The following ADGRE2 variants were observed in gnomAD, a reference collection of about 807,000 sequenced individuals.
ADGRE2 encodes CD97 antigen.
ADGRE2 carries 83 observed loss-of-function variants against 100.8 expected under a neutral mutation model. The observed-to-expected ratio is 0.82, with a 90% confidence interval of 0.69 to 0.99. The LOEUF is 0.99. Among genes scored for constraint, ADGRE2 ranks in the 50% least tolerant of loss-of-function variants. The pLI is 0.00. For synonymous variants in ADGRE2, 355 were observed against 413.0 expected, an observed-to-expected ratio of 0.86 and a Z score of 1.70; for missense variants, 814 against 1,035.7, an observed-to-expected ratio of 0.79 and a Z score of 2.94.
chr19:14,745,154 C>T lies in ADGRE2; in HGVS notation c.2183+1078G>A, dbSNP rs116784352. ...AACTCCTGACCTTGTGATCTGCCCC[C>T]GCCCCTCAGCTTCCCAAAGTGCTGG... On this transcript the variant is annotated intron_variant, in intron 18 of 20. Transcript: ENST00000315576. Among the ~76,000 whole-genome samples the T allele has an allele frequency of 5.1e-3, 778 of 152,136 alleles. 6 individuals carry two copies. The highest frequency in any genetic ancestry group is 0.016 in the African/African-American group (669 of 41,486).
chr19:14,751,549 T>G lies in ADGRE2; in HGVS notation c.1911A>C (p.Ser637=), dbSNP rs1490666543. The G allele has an allele frequency of 6.2e-7, 1 of 1,614,032 alleles. No homozygotes were observed. Among genetic ancestry groups the G allele is most frequent in the Non-Finnish European group, 8.5e-7 (1 of 1,180,002 alleles). The stretch of plus-strand genomic sequence containing the variant: ...GCTTCTTCATGAATCTGTTGATGCT[T>G]GAGTAGTTGACCACCGTCAGGTTCC... ...TARNLTVVNY[S]SINRFMKKLM... The change falls in exon 16 of 21, where the codon TCA becomes TCC. Residue 637 remains serine, a synonymous_variant. Coordinates refer to ENST00000315576, the MANE Select transcript of ADGRE2 (RefSeq NM_013447.4).
Position 14,734,620 on chromosome 19 carries a change from T to G in ADGRE2, c.*1616A>C, listed in dbSNP as rs1300258720. 3 of 152,234 alleles carry G rather than the reference T, an allele frequency of 2.0e-5. No homozygotes were observed. Among genetic ancestry groups the G allele is most frequent in the Non-Finnish European group, 4.4e-5 (3 of 68,050 alleles). The allele number at this position is 152,234 out of a possible 1,614,324, so 9.4% of individuals were successfully genotyped here. ...TTTTGTATTTTTACTAGAGACAAGA[T>G]TTCACCATGTTGACCAGGCTGGTCT... On this transcript the variant is annotated 3_prime_UTR_variant, in exon 21 of 21. Coordinates refer to ENST00000315576, the MANE Select transcript of ADGRE2 (RefSeq NM_013447.4).
chr19:14,747,357 G>A (rs934189073), intron 16 of ADGRE2, among the ~76,000 whole-genome samples: 1 of 152,014 alleles, frequency 6.6e-6, no homozygotes, highest in Non-Finnish European at 1.5e-5. Context: ...AAAAATAGCC[G>A]GGTGTGGTGG....
intron 6 of ADGRE2, among the ~76,000 whole-genome samples, chr19:14,766,670 C>T (rs1216737245): frequency 2.0e-5 from 3 of 152,218 alleles, no homozygotes; most frequent in Non-Finnish European, 4.4e-5. Context: ...TGCTCCCTCC[C>T]TCACTATGGT....
chr19:14,772,585 C>T (rs2044252025), intron 4 of ADGRE2, 88 bp from the exon 5 acceptor site: 3 of 1,476,442 alleles, frequency 2.0e-6, no homozygotes, highest in Non-Finnish European at 2.8e-6. Context: ...CAACATGGGG[C>T]CTGCTGCTTA....
intron 13 of ADGRE2, 133 bp downstream of exon 13, chr19:14,755,521 T>C: frequency 1.3e-6 from 1 of 798,026 alleles, no homozygotes; most frequent in Non-Finnish European, 2.1e-6. Context: ...AAAGCCGGCT[T>C]GGGAAGGACT....
In ADGRE2 at chr19:14,748,849, C is replaced by A. The variant is rs76696419; in HGVS notation, c.2025-1887G>T. Among the ~76,000 whole-genome samples, 1,129 of 152,096 alleles carry A rather than the reference C, an allele frequency of 7.4e-3. 12 individuals are homozygous for A. The highest frequency in any genetic ancestry group is 0.025 in the African/African-American group (1,042 of 41,488). ...CATCACAAGAAAAGAAAACTGCAGACCAAAATCCCTTATGAAAATGAATGC... is the reference window on the plus strand; with the variant it reads ...CATCACAAGAAAAGAAAACTGCAGAACAAAATCCCTTATGAAAATGAATGC... On this transcript the variant is annotated intron_variant, in intron 16 of 20. Coordinates refer to ENST00000315576, the MANE Select transcript of ADGRE2 (RefSeq NM_013447.4).
downstream of ADGRE2, among the ~76,000 whole-genome samples, chr19:14,730,993 A>G (rs1222435886): frequency 6.6e-6 from 1 of 151,892 alleles, no homozygotes; most frequent in African/African-American, 2.4e-5. Flanking sequence ...TCAGTCTTTC[A>G]AACTCCCATC....
At chr19:14,748,046 G>A (rs1001780170) in intron 16 of ADGRE2, among the ~76,000 whole-genome samples, 4 of 151,938 alleles carry the variant, frequency 2.6e-5, no homozygotes, top group Admixed American at 6.6e-5. Flanking sequence ...TGCATGTTGC[G>A]GCGGTTTGGT....
chr19:14,763,740 A>G (rs76386779), intron 11 of ADGRE2, among the ~76,000 whole-genome samples: 4,137 of 5,584 alleles, frequency 0.74, 1,636 homozygotes, highest in Middle Eastern at 0.88. Flanking sequence ...CTCCTCCTCC[A>G]TTCCTCCTCC....
chr19:14,767,848 A>G (rs1437011809), intron 5 of ADGRE2, among the ~76,000 whole-genome samples: 1 of 152,174 alleles, frequency 6.6e-6, no homozygotes, highest in Non-Finnish European at 1.5e-5. Context: ...TCTCCTCTTC[A>G]AGTAGTCACA....
At position 14,755,074 on chromosome 19, in the gene ADGRE2, A is replaced by G. The variant is rs937498481; in HGVS notation, c.1470T>C (p.Asn490=). 3 of 1,613,894 alleles carry G rather than the reference A, an allele frequency of 1.9e-6. No homozygotes were observed. The highest frequency in any genetic ancestry group is 3.3e-5 in the Admixed American group (2 of 59,978). Residue 490 remains asparagine (N), a synonymous_variant, in exon 14 of 21, where the codon AAT becomes AAC. Coordinates refer to ENST00000315576, the MANE Select transcript of ADGRE2 (RefSeq NM_013447.4). ...VLCVFWEHGQ[N]GCGHWATTGC... ...CTGTGGTGGCCCAGTGACCACATCCATTCTGGCCATGCTCCCAGAAGACAC... is the reference window on the plus strand; with the variant it reads ...CTGTGGTGGCCCAGTGACCACATCCGTTCTGGCCATGCTCCCAGAAGACAC...
At chr19:14,775,113 C>T (rs555156779) in intron 2 of ADGRE2, among the ~76,000 whole-genome samples, 1 of 151,912 alleles carries the variant, frequency 6.6e-6, no homozygotes, top group Non-Finnish European at 1.5e-5. Flanking sequence ...AGCGGTTCTC[C>T]TGCCTCAGCC....
At chr19:14,728,922 C>T (rs73508074), downstream of ADGRE2, among the ~76,000 whole-genome samples, 2,114 of 152,226 alleles carry the variant, frequency 0.014, 44 homozygotes, top group African/African-American at 0.048. Context: ...GGGCTGGGGT[C>T]GGCACAATGT....
downstream of ADGRE2, chr19:14,731,806 C>G (rs1179509008): frequency 6.6e-6 from 1 of 152,106 alleles, no homozygotes; most frequent in Admixed American, 6.6e-5. Flanking sequence ...TCAAACACAA[C>G]CCATGAGCAA....
chr19:14,755,724 A>T lies in ADGRE2; in HGVS notation c.1346T>A (p.Ile449Asn). 6.2e-7 allele frequency: 1 copy of T among 1,614,164 alleles called. No homozygotes were observed. Among genetic ancestry groups the T allele is most frequent in the South Asian group, 1.1e-5 (1 of 91,090 alleles). The change falls in exon 13 of 21, where the codon ATC becomes AAC. Residue 449 changes from isoleucine to asparagine, a missense_variant. By Grantham distance (149) the Ile-to-Asn change is moderately radical. Transcript: ENST00000315576. ...DGSPILLSDVISAFLSNNDTQ... is the reference protein window; with the variant it reads ...DGSPILLSDVNSAFLSNNDTQ... The stretch of plus-strand genomic sequence containing the variant: ...GTCGTTGTTGCTCAGAAAGGCAGAG[A>T]TCACATCTGAGAGCAGGATGGGGGA...
Position 14,776,706 on chromosome 19 carries a change from C to A in ADGRE2, c.31+20G>T, listed in dbSNP as rs1172649360. The A allele has an allele frequency of 1.2e-6, 2 of 1,610,344 alleles. No individual in the cohort carries two copies. Among genetic ancestry groups the A allele is most frequent in the South Asian group, 2.2e-5 (2 of 90,386 alleles). ...GGAGCTTCCTCGCTACCACCCCCAG[C>A]GGGGCCCCAAAGTACTTACCGAGAA... On this transcript the variant is annotated intron_variant, in intron 2 of 20. Transcript: ENST00000315576.
intron 2 of ADGRE2, among the ~76,000 whole-genome samples, chr19:14,775,791 G>A (rs537290096): frequency 2.4e-4 from 36 of 148,726 alleles, no homozygotes; most frequent in African/African-American, 7.7e-4. Flanking sequence ...CCCAGGAGGC[G>A]GAGGTTGCAG....
rs2189389 is a variant in ADGRE2, at chr19:14,733,752, T to C, written c.*2484A>G. ...CTGTCTTAACCATCAAGCCACTTTT[T>C]GTGTTTCTTTCCTCTTTCTTTAATT... is the stretch of plus-strand genomic sequence containing the variant. On this transcript the variant is annotated 3_prime_UTR_variant, in exon 21 of 21. Transcript: ENST00000315576. 0.22 allele frequency: 34,064 copies of C among 152,212 alleles called. 4,049 individuals are homozygous for C. The highest frequency in any genetic ancestry group is 0.26 in the Non-Finnish European group (17,693 of 68,018). 9.4% of individuals were successfully genotyped at this position (152,212 alleles called of 1,614,324 possible). A position where few individuals can be genotyped will look rare whatever the true frequency, so the allele number is the denominator to read the frequency against.
Sources: gnomAD v4.1 joint callset for allele counts (sites outside exome capture counted in the v4.1 genomes callset) on GRCh38, gnomAD v4.1.1 for gene constraint, MANE v1.5 for transcripts, NCBI Gene and HGNC (gene_info 2026-07-23, HGNC 2026-07-21) for gene names.